Variants in GPC6 observed in about 807,000 individuals in gnomAD.
GPC6 encodes the protein glypican 6.
In GPC6, 14 loss-of-function variants were observed where a neutral mutation model predicts 55.2. The ratio of observed to expected loss-of-function variants is 0.25; its 90% confidence interval spans 0.17 to 0.40. GPC6 has a LOEUF of 0.40. GPC6 is among the 10% of genes least tolerant of loss of function. GPC6 has a pLI of 1.00. For synonymous variants in GPC6, 278 were observed against 259.6 expected (o/e 1.07, Z -0.68); for missense variants, 641 against 708.5 (o/e 0.90, Z 1.08).
At chr13:93,292,257 G>T (rs1878342461) in intron 1 of GPC6, among the ~76,000 whole-genome samples, 1 of 152,106 alleles carries the variant, frequency 6.6e-6, no homozygotes, top group Admixed American at 6.6e-5. Flanking sequence ...ATAATGCAAG[G>T]CTTTCCAGTG....
chr13:93,582,050 GATTAT>G (rs1293786888), intron 2 of GPC6, among the ~76,000 whole-genome samples: 2 of 152,130 alleles, frequency 1.3e-5, no homozygotes, highest in African/African-American at 4.8e-5. Context: ...GAAGCTTTTG[GATTAT>G]CTGGTGGTCC....
chr13:94,001,196 T>G lies in GPC6; in HGVS notation c.712-26533T>G, dbSNP rs186664179. Among the ~76,000 whole-genome samples the G allele has an allele frequency of 2.5e-3, 385 of 152,326 alleles. 2 individuals carry two copies. Among genetic ancestry groups the G allele is most frequent in the African/African-American group, 9.1e-3 (378 of 41,572 alleles). On this transcript the variant is annotated intron_variant, in intron 3 of 8. Coordinates refer to ENST00000377047, the MANE Select transcript of GPC6 (RefSeq NM_005708.5). ...CTCTCTAAGCCTCAGTTTCCTTACT[T>G]GTAAAGGTCTTTTCTCAGACATTAC...
At chr13:93,990,485 TG>T (rs769923152) in intron 3 of GPC6, among the ~76,000 whole-genome samples, 8 of 152,062 alleles carry the variant, frequency 5.3e-5, no homozygotes, top group Non-Finnish European at 1.0e-4. Flanking sequence ...TGAAATTTTG[TG>T]TAATGTCACA....
chr13:93,443,096 T>A (rs1345594477), intron 1 of GPC6, among the ~76,000 whole-genome samples: 3 of 152,194 alleles, frequency 2.0e-5, no homozygotes, highest in African/African-American at 7.2e-5. Flanking sequence ...CTATCTGCAA[T>A]CTTCTCAAAG....
intron 2 of GPC6, among the ~76,000 whole-genome samples, chr13:93,742,907 T>C (rs1438056373): frequency 6.6e-6 from 1 of 152,052 alleles, no homozygotes; most frequent in Non-Finnish European, 1.5e-5. Context: ...AGAAGATACT[T>C]CAGAGCATGT....
intron 4 of GPC6, among the ~76,000 whole-genome samples, chr13:94,143,016 A>T (rs886902983): frequency 6.6e-6 from 1 of 151,758 alleles, no homozygotes; most frequent in Admixed American, 6.6e-5. Context: ...TTTAGTAGAG[A>T]CGGGTTCACC....
At chr13:93,760,866 T>C (rs1008137437) in intron 2 of GPC6, among the ~76,000 whole-genome samples, 3 of 152,200 alleles carry the variant, frequency 2.0e-5, no homozygotes, top group Non-Finnish European at 2.9e-5. Context: ...TAAAGCACCA[T>C]GAAAAATCAT....
At chr13:93,680,701 A>G (rs932156526) in intron 2 of GPC6, among the ~76,000 whole-genome samples, 2 of 152,182 alleles carry the variant, frequency 1.3e-5, no homozygotes, top group Non-Finnish European at 2.9e-5. Flanking sequence ...CTCTCATTTC[A>G]AAGCAACTGA....
At chr13:93,392,637 G>A (rs966358248) in intron 1 of GPC6, among the ~76,000 whole-genome samples, 1 of 152,226 alleles carries the variant, frequency 6.6e-6, no homozygotes, top group African/African-American at 2.4e-5. Context: ...CAGACGGCCA[G>A]GGAGAGAATA....
intron 6 of GPC6, among the ~76,000 whole-genome samples, chr13:94,331,995 T>A (rs1877451763): frequency 6.6e-6 from 1 of 152,202 alleles, no homozygotes; most frequent in African/African-American, 2.4e-5. Context: ...ATTTCTGTTC[T>A]CCATCTGAGT....
intron 4 of GPC6, among the ~76,000 whole-genome samples, chr13:94,067,578 TATAGATAGATAGATAGATAG>T (rs5805846): frequency 1.6e-4 from 23 of 147,568 alleles, no homozygotes; most frequent in Non-Finnish European, 3.0e-4. Flanking sequence ...ATAGATAGAT[TATAGATAGATAGATAGATAG>T]ATAGATAGAT....
At chr13:93,892,657 T>C (rs74111037) in intron 3 of GPC6, among the ~76,000 whole-genome samples, 396 of 152,318 alleles carry the variant, frequency 2.6e-3, no homozygotes, top group African/African-American at 9.0e-3. Context: ...TGTAATCACA[T>C]GACATAGGTA....
At chr13:93,878,769 G>A (rs560152797) in intron 3 of GPC6, among the ~76,000 whole-genome samples, 1 of 152,214 alleles carries the variant, frequency 6.6e-6, no homozygotes, top group South Asian at 2.1e-4. Flanking sequence ...CACTGAACCT[G>A]CTGGTATTTT....
intron 2 of GPC6, among the ~76,000 whole-genome samples, chr13:93,640,740 CTCCCCA>C (rs1879882530): frequency 3.7e-5 from 4 of 107,378 alleles, no homozygotes; most frequent in African/African-American, 1.3e-4. Flanking sequence ...TCCCTCCCTC[CTCCCCA>C]CTTTCCTTCC....
rs1163128466 is a variant in GPC6, at chr13:93,850,743, A to G, written c.711+20198A>G. 2.6e-5 allele frequency among the ~76,000 whole-genome samples: 4 copies of G among 151,972 alleles called. No individual in the cohort carries two copies. In the East Asian group the frequency reaches 7.7e-4, roughly 29 times the overall value. On this transcript the variant is annotated intron_variant, in intron 3 of 8. Coordinates refer to ENST00000377047, the MANE Select transcript of GPC6 (RefSeq NM_005708.5). ...TAGACCAGAAATAGGAGATACCTGG[A>G]AGGGAATTCTTAGTTTGACCCTAAT...
intron 1 of GPC6, among the ~76,000 whole-genome samples, chr13:93,309,198 T>A (rs1878977948): frequency 6.6e-6 from 1 of 152,220 alleles, no homozygotes; most frequent in African/African-American, 2.4e-5. Flanking sequence ...ATATGCTTTT[T>A]GAAAAGAATT....
At chr13:94,055,021 C>T (rs1245176619) in intron 4 of GPC6, among the ~76,000 whole-genome samples, 1 of 152,138 alleles carries the variant, frequency 6.6e-6, no homozygotes, top group African/African-American at 2.4e-5. Context: ...GTAATAATTA[C>T]CATGTGTCTC....
At chr13:94,148,551 A>C (rs1040894989) in intron 4 of GPC6, among the ~76,000 whole-genome samples, 1 of 152,176 alleles carries the variant, frequency 6.6e-6, no homozygotes, top group African/African-American at 2.4e-5. Context: ...AATTTAATTT[A>C]ACTGACAGAT....
At chr13:93,650,579 AT>A (rs1240672538) in intron 2 of GPC6, among the ~76,000 whole-genome samples, 2 of 152,232 alleles carry the variant, frequency 1.3e-5, no homozygotes, top group African/African-American at 4.8e-5. Flanking sequence ...AGAAATGTGT[AT>A]GTTAACAGCC....
Sources: allele counts gnomAD v4.1 joint callset (sites outside exome capture counted in the v4.1 genomes callset), GRCh38; gene constraint gnomAD v4.1.1; transcripts MANE v1.5; gene names NCBI Gene and HGNC (gene_info 2026-07-23, HGNC 2026-07-21).